Variants in SNCG observed in about 807,000 individuals in gnomAD.
The protein encoded by SNCG is synuclein gamma.
SNCG carries 13 observed loss-of-function variants against 16.0 expected under a neutral mutation model. The ratio of observed to expected loss-of-function variants is 0.81; its 90% CI spans 0.53 to 1.29. SNCG has a LOEUF of 1.29. Ranked by LOEUF, SNCG falls within the 50% of genes most tolerant of loss-of-function variation. The probability of loss-of-function intolerance (pLI) is 0.00; values close to 1 mark genes in which losing one functional copy is unlikely to be tolerated. For synonymous variants in SNCG, 66 were observed against 66.3 expected (o/e 1.00, Z 0.02); for missense variants, 154 against 168.5 (o/e 0.91, Z 0.48).
chr10:86,957,399 G>T (rs753870982), upstream of SNCG: 12 of 1,613,488 alleles, frequency 7.4e-6, no homozygotes, highest in Non-Finnish European at 8.5e-6. Context: ...GTCCTTGCCG[G>T]TGTCCTCAGC....
At chr10:86,960,249 AG>A (rs1844320033) in intron 3 of SNCG, 121 bp downstream of exon 3, 2 of 992,978 alleles carry the variant, frequency 2.0e-6, no homozygotes, top group Non-Finnish European at 2.9e-6. Context: ...GGCTGGCTTC[AG>A]TTTCAGTACC....
chr10:86,958,372 G>A (rs1798053371), upstream of SNCG: 1 of 985,446 alleles, frequency 1.0e-6, no homozygotes, highest in African/African-American at 1.7e-5. Context: ...GGACAGGTTG[G>A]GAGGTGGCCA....
upstream of SNCG, chr10:86,958,402 G>A (rs183193424): frequency 3.7e-4 from 366 of 985,408 alleles, 1 homozygote; most frequent in African/African-American, 5.8e-3. Flanking sequence ...AGCCCATGGA[G>A]GGCACGGGGC....
chr10:86,958,505 T>TCCCCCC, upstream of SNCG: 1 of 441,282 alleles, frequency 2.3e-6, no homozygotes, highest in Non-Finnish European at 3.6e-6. Context: ...CTTCCCTCCC[T>TCCCCCC]CCCTCCCTCC....
At chr10:86,956,820 G>A (rs10887683), upstream of SNCG, among the ~76,000 whole-genome samples, 65,425 of 152,120 alleles carry the variant, frequency 0.43, 14,800 homozygotes, top group East Asian at 0.69. Flanking sequence ...CCCTGGCTCT[G>A]TACACATAGA....
upstream of SNCG, chr10:86,958,109 T>C (rs866212709): frequency 6.5e-5 from 63 of 968,994 alleles, no homozygotes; most frequent in African/African-American, 1.1e-3. Flanking sequence ...ACCGGTTTCA[T>C]GGCAGCCCAG....
At chr10:86,962,895 T>C (rs557275792) in intron 4 of SNCG, 70 bp from the exon 5 acceptor site, 2 of 1,537,768 alleles carry the variant, frequency 1.3e-6, no homozygotes, top group African/African-American at 2.7e-5. Context: ...ACAACTTTTC[T>C]CAGCCCACTC....
upstream of SNCG, chr10:86,957,890 G>A: frequency 9.1e-7 from 1 of 1,098,998 alleles, no homozygotes; most frequent in Non-Finnish European, 1.1e-6. Flanking sequence ...TGGGGCCACA[G>A]GAAGTGGTCA....
At chr10:86,956,437 C>A (rs866681405), upstream of SNCG, among the ~76,000 whole-genome samples, 1 of 152,198 alleles carries the variant, frequency 6.6e-6, no homozygotes, top group Non-Finnish European at 1.5e-5. Flanking sequence ...TAAGTTGGCC[C>A]CCCCCTCACT....
chr10:86,962,505 C>A, intron 3 of SNCG, 99 bp from the exon 4 acceptor site: 1 of 806,616 alleles, frequency 1.2e-6, no homozygotes, highest in Non-Finnish European at 2.0e-6. Context: ...GGGGCCTCTG[C>A]TCCTCCTTGA....
chr10:86,959,575 C>A lies in SNCG; in HGVS notation c.122-58C>A. The A allele has an allele frequency of 6.5e-7, 1 of 1,539,728 alleles. No individual in the cohort carries two copies. The highest frequency in any genetic ancestry group is 9.0e-7 in the Non-Finnish European group (1 of 1,112,970). On this transcript the variant is annotated intron_variant, in intron 1 of 4. Transcript: ENST00000372017. This position sits in a 1 kb window ranked among gnomAD's most constrained non-coding sequence, Gnocchi z 4.3. ...GTCCAGCTGTTCTGTTGTGTTTGTC[C>A]TGACCGCCCCCAACACCTCGAGGGA...
At chr10:86,958,596 G>A (rs972713746), upstream of SNCG, 23 of 1,504,874 alleles carry the variant, frequency 1.5e-5, no homozygotes, top group African/African-American at 1.8e-4. Context: ...AGGAGGCATC[G>A]GGGACAGCCG....
upstream of SNCG, among the ~76,000 whole-genome samples, chr10:86,957,178 G>A (rs1231451809): frequency 1.3e-5 from 2 of 152,230 alleles, no homozygotes; most frequent in Non-Finnish European, 2.9e-5. Context: ...GGCTCCGACA[G>A]GGAACTCCCT....
chr10:86,956,484 C>T (rs1844233464), upstream of SNCG, among the ~76,000 whole-genome samples: 1 of 152,168 alleles, frequency 6.6e-6, no homozygotes, highest in African/African-American at 2.4e-5. Flanking sequence ...CCAAACAGGT[C>T]TGGTGTGTGG....
intron 3 of SNCG, among the ~76,000 whole-genome samples, chr10:86,961,245 C>T (rs1041181050): frequency 1.3e-5 from 2 of 152,138 alleles, no homozygotes; most frequent in African/African-American, 4.8e-5. Context: ...TTGGAGCTGG[C>T]AGCCGCTCCC....
At chr10:86,956,701 G>A (rs939917992), upstream of SNCG, among the ~76,000 whole-genome samples, 5 of 152,216 alleles carry the variant, frequency 3.3e-5, no homozygotes, top group Non-Finnish European at 7.3e-5. Context: ...GTGGCAAGGT[G>A]CCTGGCCCTG....
chr10:86,957,543 T>C, upstream of SNCG: 1 of 1,605,560 alleles, frequency 6.2e-7, no homozygotes. Context: ...CAGGATCATC[T>C]TGGTGGTGGG....
At chr10:86,958,596 G>C (rs972713746), upstream of SNCG, 31 of 1,504,874 alleles carry the variant, frequency 2.1e-5, no homozygotes, top group South Asian at 5.9e-5. Flanking sequence ...AGGAGGCATC[G>C]GGGACAGCCG....
Position 86,959,275 on chromosome 10 carries a change from C to A in SNCG, c.122-358C>A. 2.4e-6 allele frequency: 1 copy of A among 423,328 alleles called. No homozygotes were observed. The highest frequency in any genetic ancestry group is 4.2e-6 in the Non-Finnish European group (1 of 236,624). The allele number at this position is 423,328 out of a possible 1,614,324, so 26.2% of individuals were successfully genotyped here. A position where few individuals can be genotyped will look rare whatever the true frequency, so the allele number is the denominator to read the frequency against. Reference sequence around the variant, plus strand: ...TTCCCTCCCCCGCATCCTCTCCTGGCACTCTCCAGAGGAGGAAGGGGAGGT... The same window carrying A: ...TTCCCTCCCCCGCATCCTCTCCTGGAACTCTCCAGAGGAGGAAGGGGAGGT... On this transcript the variant is annotated intron_variant, in intron 1 of 4. Coordinates refer to ENST00000372017, the MANE Select transcript of SNCG (RefSeq NM_003087.3). The surrounding 1 kb of genome is among the most constrained non-coding windows in gnomAD (Gnocchi z 4.3).
Sources: gnomAD v4.1 joint callset for allele counts (sites outside exome capture counted in the v4.1 genomes callset) on GRCh38, gnomAD v4.1.1 for gene constraint, Gnocchi (gnomAD v3.1) non-coding constraint, MANE v1.5 for transcripts, NCBI Gene and HGNC (gene_info 2026-07-23, HGNC 2026-07-21) for gene names.